The following SHISAL1 variants were observed in gnomAD, a reference collection of about 807,000 sequenced individuals.
SHISAL1 encodes the protein protein shisa-like-1.
Under a neutral mutation model 22.6 loss-of-function variants are expected in SHISAL1, and 9 were observed. The ratio of observed to expected loss-of-function variants is 0.40; its 90% CI spans 0.24 to 0.70. The LOEUF is 0.70. Ranked by LOEUF, SHISAL1 falls within the 30% of genes least tolerant of loss-of-function variation. SHISAL1 has a pLI of 0.39. For missense variants in SHISAL1, 246 were observed against 270.6 expected, an observed-to-expected ratio of 0.91 and a Z score of 0.64; for synonymous variants, 119 against 115.4, an observed-to-expected ratio of 1.03 and a Z score of -0.20.
the SHISAL1 span, among the ~76,000 whole-genome samples, chr22:44,323,907 C>T: frequency 4.1e-4 from 63 of 152,190 alleles, no homozygotes; most frequent in Admixed American, 4.1e-3. Flanking sequence ...TTACTATATG[C>T]CCGTCTGCAC....
chr22:44,273,124 G>T (rs1029410442), intron 4 of SHISAL1, among the ~76,000 whole-genome samples: 1 of 152,072 alleles, frequency 6.6e-6, no homozygotes, highest in African/African-American at 2.4e-5. Context: ...AACCACATTG[G>T]CTTCCCACAG....
At position 44,245,269 on chromosome 22, in the gene SHISAL1, A is replaced by AAGAC. The variant is rs1327779014; in HGVS notation, c.*4412_*4415dup. 6.6e-6 allele frequency: 1 copy of AAGAC among 152,206 alleles called. No individual in the cohort carries two copies. Among genetic ancestry groups the AAGAC allele is most frequent in the Non-Finnish European group, 1.5e-5 (1 of 68,046 alleles). 9.4% of individuals were successfully genotyped at this position (152,206 alleles called of 1,614,324 possible). Reference sequence around the variant, plus strand: ...TGATAGGGGGCCCTTCAACATTGATAAGACATGTTCCCAATAACTCCATCC... The same window carrying AAGAC: ...TGATAGGGGGCCCTTCAACATTGATAAGACAGACATGTTCCCAATAACTCCATCC... On this transcript the variant is annotated 3_prime_UTR_variant, in exon 5 of 5. Coordinates refer to ENST00000381176, the MANE Select transcript of SHISAL1 (RefSeq NM_001099294.2).
At chr22:44,259,050 AGAAC>A (rs540233393) in intron 4 of SHISAL1, among the ~76,000 whole-genome samples, 3,293 of 152,270 alleles carry the variant, frequency 0.022, 121 homozygotes, top group African/African-American at 0.075. Context: ...TGAAAACCTG[AGAAC>A]ATCACACAAG....
At chr22:44,270,663 G>T (rs1422765892) in intron 4 of SHISAL1, among the ~76,000 whole-genome samples, 1 of 152,120 alleles carries the variant, frequency 6.6e-6, no homozygotes, top group African/African-American at 2.4e-5. Context: ...ACAGGGATCT[G>T]CCAGCCTAGG....
intron 4 of SHISAL1, among the ~76,000 whole-genome samples, chr22:44,254,230 AAGTT>A (rs776490218): frequency 2.0e-5 from 3 of 152,228 alleles, no homozygotes; most frequent in Non-Finnish European, 4.4e-5. Context: ...CCAACTCAAA[AAGTT>A]AGAAAAGAAA....
chr22:44,276,192 G>A (rs1022429023), intron 4 of SHISAL1, among the ~76,000 whole-genome samples: 4 of 152,156 alleles, frequency 2.6e-5, no homozygotes, highest in African/African-American at 9.7e-5. Flanking sequence ...GCCAGGGAAG[G>A]CCCCTCTGAT....
chr22:44,262,735 C>T (rs937253320), intron 4 of SHISAL1, among the ~76,000 whole-genome samples: 1 of 152,124 alleles, frequency 6.6e-6, no homozygotes, highest in Non-Finnish European at 1.5e-5. Context: ...GTGGCCCTGG[C>T]GAGAGAGGAG....
chr22:44,277,034 G>A (rs138751489), intron 4 of SHISAL1, among the ~76,000 whole-genome samples: 126 of 152,300 alleles, frequency 8.3e-4, no homozygotes, highest in Admixed American at 3.1e-3. Flanking sequence ...TCTCTCTGCC[G>A]GGATGCCCTT....
At chr22:44,258,302 G>A (rs865836963) in intron 4 of SHISAL1, among the ~76,000 whole-genome samples, 2 of 151,238 alleles carry the variant, frequency 1.3e-5, no homozygotes, top group Middle Eastern at 3.4e-3. Context: ...GCGAGACTCT[G>A]TCTCAAAAAC....
rs547763756 is a variant in SHISAL1 at position 44,283,652 on chromosome 22, G to C, written c.599+1776C>G. Reference sequence around the variant, plus strand: ...TCCTCCATCCCCTTGGCAAGTGTTCGGCGAGGTGTGAGCTATTTATTCCAA... The same window carrying C: ...TCCTCCATCCCCTTGGCAAGTGTTCCGCGAGGTGTGAGCTATTTATTCCAA... On this transcript the variant is annotated intron_variant, in intron 4 of 4. Coordinates refer to ENST00000381176, the MANE Select transcript of SHISAL1 (RefSeq NM_001099294.2). Among the ~76,000 whole-genome samples, 20 of 152,304 alleles carry C rather than the reference G, an allele frequency of 1.3e-4. No individual in the cohort carries two copies. In the South Asian group the frequency reaches 1.7e-3, roughly 13 times the overall value.
chr22:44,305,699 G>A (rs911020114), intron 1 of SHISAL1, among the ~76,000 whole-genome samples: 4 of 152,234 alleles, frequency 2.6e-5, no homozygotes, highest in Non-Finnish European at 5.9e-5. Context: ...CTGTGGTTGC[G>A]CTGGTCCCAC....
At chr22:44,320,919 G>A in the SHISAL1 span, among the ~76,000 whole-genome samples, 1 of 152,216 alleles carries the variant, frequency 6.6e-6, no homozygotes, top group Non-Finnish European at 1.5e-5. Context: ...TCTTCCATAC[G>A]GAAAGTGCTT....
intron 4 of SHISAL1, among the ~76,000 whole-genome samples, chr22:44,257,490 T>TC (rs1481247773): frequency 1.4e-5 from 2 of 145,792 alleles, no homozygotes; most frequent in African/African-American, 5.1e-5. Flanking sequence ...CATTGAGCCC[T>TC]CTGCCCTGAA....
At chr22:44,266,532 G>GTC (rs1601781984) in intron 4 of SHISAL1, among the ~76,000 whole-genome samples, 1 of 143,866 alleles carries the variant, frequency 7.0e-6, no homozygotes, top group East Asian at 2.1e-4. Flanking sequence ...TGGGGTATGT[G>GTC]TGTGTGTGTG....
intron 4 of SHISAL1, among the ~76,000 whole-genome samples, chr22:44,269,045 G>A (rs1367652141): frequency 6.6e-6 from 1 of 151,986 alleles, no homozygotes; most frequent in Non-Finnish European, 1.5e-5. Context: ...CTGATGCTGG[G>A]GCTGCTTCCC....
the SHISAL1 span, among the ~76,000 whole-genome samples, chr22:44,323,810 A>AC: frequency 1.3e-5 from 2 of 152,364 alleles, no homozygotes; most frequent in Admixed American, 1.3e-4. Context: ...AGGCTCTCTG[A>AC]CCCTTCACTG....
upstream of SHISAL1, among the ~76,000 whole-genome samples, chr22:44,315,096 G>A (rs1324126709): frequency 6.6e-6 from 1 of 152,132 alleles, no homozygotes; most frequent in Non-Finnish European, 1.5e-5. Flanking sequence ...GCTGAGGGAT[G>A]GGTCAAGGAT....
the SHISAL1 span, among the ~76,000 whole-genome samples, chr22:44,320,580 A>G: frequency 6.6e-6 from 1 of 152,174 alleles, no homozygotes; most frequent in Non-Finnish European, 1.5e-5. Context: ...TCCAGAACAG[A>G]TTGTCCAATT....
intron 4 of SHISAL1, among the ~76,000 whole-genome samples, chr22:44,260,537 G>T (rs2055114370): frequency 1.3e-5 from 2 of 152,234 alleles, no homozygotes; most frequent in Admixed American, 1.3e-4. Context: ...GAGGAGGCTT[G>T]GAGAGGAGGT....
Sources: allele counts gnomAD v4.1 joint callset (sites outside exome capture counted in the v4.1 genomes callset), GRCh38; gene constraint gnomAD v4.1.1; transcripts MANE v1.5; gene names NCBI Gene and HGNC (gene_info 2026-07-23, HGNC 2026-07-21).